GYPB: variants seen among roughly 807,000 people sequenced by gnomAD.
The protein encoded by GYPB is glycophorin B (MNS blood group).
A neutral mutation model predicts 15.3 loss-of-function variants in GYPB; 13 were observed. The ratio of observed to expected loss-of-function variants is 0.85; its 90% CI spans 0.55 to 1.35. The LOEUF is 1.35. Ranked by LOEUF, GYPB falls within the 40% of genes most tolerant of loss-of-function variation. The probability of loss-of-function intolerance (pLI) is 0.00; values close to 1 mark genes in which losing one functional copy is unlikely to be tolerated. For missense variants in GYPB, 131 were observed against 108.3 expected, an observed-to-expected ratio of 1.21 and a Z score of -0.93; for synonymous variants, 38 against 36.9, an observed-to-expected ratio of 1.03 and a Z score of -0.11.
intron 1 of GYPB, among the ~76,000 whole-genome samples, chr4:144,001,968 C>CAAA (rs374342942): frequency 0.011 from 1,055 of 95,158 alleles, 20 homozygotes; most frequent in East Asian, 0.042. Flanking sequence ...GATTCCGTTT[C>CAAA]AAAAAAAAAA....
At chr4:143,996,581 A>G (rs1265182761) in intron 4 of GYPB, among the ~76,000 whole-genome samples, 2 of 150,916 alleles carry the variant, frequency 1.3e-5, no homozygotes, top group Admixed American at 1.3e-4. Flanking sequence ...CCTGGCCAAC[A>G]CAGCGAAACC....
chr4:144,003,173 A>G (rs1175000300), intron 1 of GYPB, among the ~76,000 whole-genome samples: 1 of 151,572 alleles, frequency 6.6e-6, no homozygotes, highest in Non-Finnish European at 1.5e-5. Context: ...TAATGAACAA[A>G]AATAATCCAT....
At chr4:144,007,822 G>T (rs1311793702) in intron 1 of GYPB, among the ~76,000 whole-genome samples, 1 of 151,288 alleles carries the variant, frequency 6.6e-6, no homozygotes, top group Non-Finnish European at 1.5e-5. Context: ...CTTTTTTCTT[G>T]AGATAGGGTC....
chr4:144,011,455 A>G (rs1347251319), intron 1 of GYPB, among the ~76,000 whole-genome samples: 2 of 151,310 alleles, frequency 1.3e-5, no homozygotes, highest in South Asian at 4.1e-4. Flanking sequence ...GAATTAAGAG[A>G]AAAGACATTA....
intron 1 of GYPB, among the ~76,000 whole-genome samples, chr4:144,011,304 C>T (rs1219578095): frequency 4.6e-5 from 7 of 151,286 alleles, no homozygotes; most frequent in East Asian, 1.9e-4. Flanking sequence ...TGCTTGAACC[C>T]GGGAGGCAGA....
chr4:143,997,697 AG>A, intron 3 of GYPB, 63 bp from the exon 4 acceptor site: 1 of 845,488 alleles, frequency 1.2e-6, no homozygotes, highest in South Asian at 1.3e-5. Flanking sequence ...TAGAAAAATA[AG>A]ACAGATAACA....
At chr4:144,002,311 G>A (rs1429404504) in intron 1 of GYPB, among the ~76,000 whole-genome samples, 1 of 151,380 alleles carries the variant, frequency 6.6e-6, no homozygotes, top group Non-Finnish European at 1.5e-5. Flanking sequence ...ATGTAAATAT[G>A]GGATCATGGT....
At chr4:143,995,877 G>T (rs62334045), downstream of GYPB, among the ~76,000 whole-genome samples, 16,411 of 151,244 alleles carry the variant, frequency 0.11, 1,163 homozygotes, top group Non-Finnish European at 0.14. Context: ...CAGGCACCTT[G>T]GGTACTTGAC....
chr4:144,008,440 G>C (rs1275269130), intron 1 of GYPB: 6 of 455,190 alleles, frequency 1.3e-5, no homozygotes, highest in Non-Finnish European at 8.8e-6. Flanking sequence ...ACATAGCATT[G>C]TAGGGTGACC....
chr4:144,009,518 G>T (rs1374127983), intron 1 of GYPB, among the ~76,000 whole-genome samples: 1 of 145,602 alleles, frequency 6.9e-6, no homozygotes, highest in Non-Finnish European at 1.5e-5. Flanking sequence ...GTATGACTAT[G>T]TTCCAATAAT....
chr4:144,012,324 T>G (rs1728256115), intron 1 of GYPB: 6 of 151,534 alleles, frequency 4.0e-5, no homozygotes, highest in Admixed American at 3.9e-4. Flanking sequence ...CTCAAACTAA[T>G]TCCTCTAGCA....
chr4:144,017,171 C>T (rs1482023889), intron 1 of GYPB, among the ~76,000 whole-genome samples: 1 of 150,590 alleles, frequency 6.6e-6, no homozygotes, highest in Non-Finnish European at 1.5e-5. Context: ...CATGTAATGA[C>T]TGAATCATCA....
intron 4 of GYPB, 114 bp downstream of exon 4, chr4:143,997,426 T>C (rs1158327041): frequency 9.0e-6 from 6 of 665,132 alleles, no homozygotes; most frequent in South Asian, 3.3e-5. Flanking sequence ...TTGAAAAAGA[T>C]GGAATTTTAT....
rs139693866 is a variant in GYPB, at chr4:144,009,083, C to T, written c.38-7800G>A. Among the ~76,000 whole-genome samples, 792 of 151,420 alleles carry T rather than the reference C, an allele frequency of 5.2e-3. 26 individuals are homozygous for T. The highest frequency in any genetic ancestry group is 0.046 in the Admixed American group (696 of 15,270). On this transcript the variant is annotated intron_variant, in intron 1 of 4. Coordinates refer to ENST00000502664, the MANE Select transcript of GYPB (RefSeq NM_002100.6). ...TGGTGTTTCTTAGGGTTTTGTTTCC[C>T]TCACTTCCAGTCTCCCTCACTTCCT...
intron 1 of GYPB, among the ~76,000 whole-genome samples, chr4:144,007,916 G>A (rs1359509638): frequency 1.3e-5 from 2 of 151,368 alleles, no homozygotes; most frequent in South Asian, 2.1e-4. Context: ...GGTACTATAG[G>A]TGCACACCAC....
At chr4:143,999,741 T>C (rs1238945093) in intron 2 of GYPB, among the ~76,000 whole-genome samples, 2 of 151,466 alleles carry the variant, frequency 1.3e-5, no homozygotes, top group East Asian at 1.9e-4. Flanking sequence ...GAATCACTTA[T>C]TGACTTACAC....
At position 143,996,310 on chromosome 4, in the gene GYPB, A is replaced by G; in HGVS notation, c.271-6T>C. On this transcript the variant is annotated splice_region_variant and splice_polypyrimidine_tract_variant and intron_variant, in intron 4 of 4. Transcript: ENST00000502664. ...TGCAGGCCACATCCTCATGCCTGTG[A>G]TAAAAAGACAAGAAGTTTCCACTTC... The G allele has an allele frequency of 6.4e-7, 1 of 1,550,792 alleles. No homozygotes were observed. Among genetic ancestry groups the G allele is most frequent in the South Asian group, 1.2e-5 (1 of 84,056 alleles).
intron 1 of GYPB, among the ~76,000 whole-genome samples, chr4:144,002,990 T>C (rs1361803067): frequency 1.3e-5 from 2 of 151,518 alleles, no homozygotes; most frequent in South Asian, 2.1e-4. Flanking sequence ...TGAATGTTTC[T>C]AAGTTGTTCA....
intron 1 of GYPB, among the ~76,000 whole-genome samples, chr4:144,014,585 C>T (rs1728395441): frequency 6.6e-6 from 1 of 151,196 alleles, no homozygotes; most frequent in African/African-American, 2.5e-5. Flanking sequence ...ATGGGTAAAT[C>T]TGTAGAGGTA....
Sources: allele counts gnomAD v4.1 joint callset (sites outside exome capture counted in the v4.1 genomes callset), GRCh38; gene constraint gnomAD v4.1.1; transcripts MANE v1.5; gene names NCBI Gene and HGNC (gene_info 2026-07-23, HGNC 2026-07-21).